Variants in SLC20A2 observed in about 807,000 individuals in gnomAD.
The protein encoded by SLC20A2 is solute carrier family 20 member 2.
A neutral mutation model predicts 61.0 loss-of-function variants in SLC20A2; 30 were observed. That is an observed-to-expected ratio of 0.49 (90% CI 0.37 to 0.67). SLC20A2 has a LOEUF of 0.67. Ranked by LOEUF, SLC20A2 falls within the 30% of genes least tolerant of loss-of-function variation. The pLI, the probability that SLC20A2 is intolerant of heterozygous loss-of-function variation, is 0.00. For synonymous variants in SLC20A2, 351 were observed against 353.3 expected (o/e 0.99, Z 0.07); for missense variants, 626 against 866.4 (o/e 0.72, Z 3.48).
chr8:42,527,836 T>C (rs944869409), intron 1 of SLC20A2, among the ~76,000 whole-genome samples: 5 of 151,920 alleles, frequency 3.3e-5, no homozygotes, highest in African/African-American at 1.2e-4. Flanking sequence ...CATAGAATAA[T>C]GGCCAAAATA....
At chr8:42,424,102 A>T (rs545287765) in intron 10 of SLC20A2, among the ~76,000 whole-genome samples, 1 of 152,334 alleles carries the variant, frequency 6.6e-6, no homozygotes, top group Admixed American at 6.5e-5. Flanking sequence ...ATGGAATTAA[A>T]ACATTCTGCA....
At chr8:42,519,926 T>C (rs1026789695) in intron 1 of SLC20A2, among the ~76,000 whole-genome samples, 8 of 151,666 alleles carry the variant, frequency 5.3e-5, no homozygotes, top group African/African-American at 1.7e-4. Flanking sequence ...AAAGTGCCAG[T>C]GGTGCTCTAC....
chr8:42,483,842 C>A (rs1038611083), intron 1 of SLC20A2, among the ~76,000 whole-genome samples: 2 of 152,192 alleles, frequency 1.3e-5, no homozygotes, highest in Non-Finnish European at 2.9e-5. Context: ...TAGGAAAATA[C>A]TTTCCCTTCA....
At chr8:42,436,438 TTC>T (rs1411488572) in intron 8 of SLC20A2, among the ~76,000 whole-genome samples, 2 of 152,170 alleles carry the variant, frequency 1.3e-5, no homozygotes, top group African/African-American at 4.8e-5. Context: ...TCTTTCCTTC[TTC>T]TCTCACATCC....
intron 6 of SLC20A2, among the ~76,000 whole-genome samples, chr8:42,443,773 G>A (rs759624503): frequency 3.3e-4 from 50 of 152,174 alleles, no homozygotes; most frequent in African/African-American, 1.1e-3. Flanking sequence ...CATCCCAGGC[G>A]ATCAGTGCTT....
chr8:42,438,081 A>C lies in SLC20A2; in HGVS notation c.935-504T>G, dbSNP rs1410562117. The stretch of plus-strand genomic sequence containing the variant: ...AAAAAACCAAAAAAAAAAAAAAAAA[A>C]AAAAAAAACATGGAAACATACAACA... On this transcript the variant is annotated intron_variant, in intron 7 of 10. Transcript: ENST00000520262. Among the ~76,000 whole-genome samples, 174 of 150,028 alleles carry C rather than the reference A, an allele frequency of 1.2e-3. 1 individual carries two copies. The highest frequency in any genetic ancestry group is 1.5e-3 in the African/African-American group (63 of 41,242).
rs1166060405 is a variant in SLC20A2 at position 42,447,231 on chromosome 8, A to G, written c.614-2469T>C. The stretch of plus-strand genomic sequence containing the variant: ...AGTAGTGGTGCACGCCTGTAGTCCC[A>G]ACTACTTGGGAGGCTGAGGTGGGAA... On this transcript the variant is annotated intron_variant, in intron 5 of 10. Transcript: ENST00000520262. 2.6e-5 allele frequency among the ~76,000 whole-genome samples: 4 copies of G among 152,064 alleles called. No individual in the cohort carries two copies. The East Asian group carries it at 5.8e-4, about 22-fold the overall frequency.
intron 6 of SLC20A2, among the ~76,000 whole-genome samples, chr8:42,442,996 G>GAA (rs1444737322): frequency 6.6e-6 from 1 of 151,902 alleles, no homozygotes; most frequent in Admixed American, 6.6e-5. Context: ...GGGGAATTGG[G>GAA]AATAGGAAAA....
At chr8:42,428,450 G>C (rs557488109) in intron 10 of SLC20A2, among the ~76,000 whole-genome samples, 1 of 152,222 alleles carries the variant, frequency 6.6e-6, no homozygotes, top group Non-Finnish European at 1.5e-5. Flanking sequence ...TATGCCCAGC[G>C]CACACAGGAT....
rs189287227 is a variant in SLC20A2 at position 42,490,799 on chromosome 8, C to T, written c.-265+10232G>A. On this transcript the variant is annotated intron_variant, in intron 1 of 10. Transcript: ENST00000520262. ...TTCCAAGTCCCTAGGGACACTTAAC[C>T]GCACAGCAGCTGAGGCAGAAAGTCA... 2.5e-3 allele frequency among the ~76,000 whole-genome samples: 387 copies of T among 152,250 alleles called. 1 individual carries two copies. The highest frequency in any genetic ancestry group is 8.4e-3 in the African/African-American group (350 of 41,548).
At chr8:42,493,652 A>C (rs1243963902) in intron 1 of SLC20A2, among the ~76,000 whole-genome samples, 1 of 152,210 alleles carries the variant, frequency 6.6e-6, no homozygotes, top group African/African-American at 2.4e-5. Context: ...GATCCTGGCC[A>C]AAAATCAGAT....
chr8:42,471,135 T>C (rs1807603934), intron 2 of SLC20A2: 1 of 456,188 alleles, frequency 2.2e-6, no homozygotes, highest in Non-Finnish European at 4.4e-6. Context: ...AGAATTCCTC[T>C]CTAACCCTCT....
intron 10 of SLC20A2, 65 bp downstream of exon 10, chr8:42,428,693 C>A (rs760397303): frequency 8.4e-6 from 12 of 1,423,310 alleles, no homozygotes; most frequent in African/African-American, 1.4e-5. Flanking sequence ...CCCTTGCATG[C>A]GCTCCGGTGG....
chr8:42,481,600 T>A (rs1808556554), intron 1 of SLC20A2, among the ~76,000 whole-genome samples: 2 of 152,072 alleles, frequency 1.3e-5, no homozygotes, highest in Non-Finnish European at 2.9e-5. Context: ...AGATGACATC[T>A]TCTGGTCCTG....
intron 1 of SLC20A2, among the ~76,000 whole-genome samples, chr8:42,475,916 A>T (rs1808049045): frequency 6.6e-6 from 1 of 152,028 alleles, no homozygotes; most frequent in Non-Finnish European, 1.5e-5. Flanking sequence ...ATGGTGGATT[A>T]AACATGGGGG....
At chr8:42,502,530 T>C (rs748564268), upstream of SLC20A2, 1 of 152,294 alleles carries the variant, frequency 6.6e-6, no homozygotes, top group Non-Finnish European at 1.5e-5. Flanking sequence ...CACAAACCGG[T>C]TGATCTTCAT....
upstream of SLC20A2, among the ~76,000 whole-genome samples, chr8:42,505,542 C>A (rs1810628287): frequency 6.6e-6 from 1 of 152,124 alleles, no homozygotes; most frequent in Admixed American, 6.5e-5. Flanking sequence ...ATGGATAGGT[C>A]ATGGAGAAAT....
chr8:42,437,113 G>C lies in SLC20A2; in HGVS notation c.1399C>G (p.Arg467Gly). ...TTCTCCTCCTCTGCAGGGTCCTCTC[G>C]CGGCTGGTCAGGGTCGGCCAGCTCC... is the stretch of plus-strand genomic sequence containing the variant. ...ASELADPDQP[R>G]EDPAEEEKEE... The change falls in exon 8 of 11, where the codon CGA becomes GGA. Residue 467 changes from arginine (R) to glycine (G), a missense_variant. By Grantham distance (125) the Arg-to-Gly change is moderately radical. Coordinates refer to ENST00000520262, the MANE Select transcript of SLC20A2 (RefSeq NM_001257180.2). The surrounding 1 kb of genome is among the most constrained non-coding windows in gnomAD (Gnocchi z 6.4). 1.9e-6 allele frequency: 3 copies of C among 1,613,932 alleles called. No homozygotes were observed. Among genetic ancestry groups the C allele is most frequent in the Non-Finnish European group, 2.5e-6 (3 of 1,180,032 alleles).
intron 1 of SLC20A2, among the ~76,000 whole-genome samples, chr8:42,531,778 T>C (rs1485469834): frequency 6.6e-6 from 1 of 151,218 alleles, no homozygotes; most frequent in Non-Finnish European, 1.5e-5. Flanking sequence ...ATTAAGCCTC[T>C]CAAAAATAAA....
Sources: allele counts gnomAD v4.1 joint callset (sites outside exome capture counted in the v4.1 genomes callset), GRCh38; gene constraint gnomAD v4.1.1; non-coding constraint Gnocchi (gnomAD v3.1); transcripts MANE v1.5; gene names NCBI Gene and HGNC (gene_info 2026-07-23, HGNC 2026-07-21).